PLEKHA7: variants seen among roughly 807,000 people sequenced by gnomAD.
PLEKHA7 encodes pleckstrin homology domain containing A7.
In PLEKHA7, 104 loss-of-function variants were observed where a neutral mutation model predicts 170.0. The ratio of observed to expected loss-of-function variants is 0.61; its 90% CI spans 0.52 to 0.72. The LOEUF (loss-of-function observed/expected upper bound fraction) is 0.72. Among genes scored for constraint, PLEKHA7 ranks in the 30% least tolerant of loss-of-function variants. The probability of loss-of-function intolerance (pLI) is 0.00; values close to 1 mark genes in which losing one functional copy is unlikely to be tolerated. For synonymous variants in PLEKHA7, 648 were observed against 660.8 expected (o/e 0.98, Z 0.30); for missense variants, 1,615 against 1,671.7 (o/e 0.97, Z 0.59).
chr11:16,792,531 T>G (rs1279299685), intron 19 of PLEKHA7, among the ~76,000 whole-genome samples: 1 of 133,058 alleles, frequency 7.5e-6, no homozygotes, highest in Admixed American at 8.0e-5. Context: ...GGTACTAAAA[T>G]TAAAAAAAAA....
In PLEKHA7 at chr11:16,974,449, G is replaced by A. The variant is rs917003532; in HGVS notation, c.221+39540C>T. The stretch of plus-strand genomic sequence containing the variant: ...AATATGGAACGCTTCACAAATTTGC[G>A]TGTCATCCTTGCGCAGGGGCCATGC... On this transcript the variant is annotated intron_variant, in intron 3 of 26. Coordinates refer to ENST00000531066, the MANE Select transcript of PLEKHA7 (RefSeq NM_001329630.2). Among the ~76,000 whole-genome samples the A allele has an allele frequency of 4.6e-5, 7 of 152,170 alleles. No homozygotes were observed. The East Asian group carries it at 5.8e-4, about 13-fold the overall frequency.
In PLEKHA7 at chr11:16,778,504, T is replaced by C; in HGVS notation, c.*494A>G. On this transcript the variant is annotated 3_prime_UTR_variant, in exon 27 of 27. Coordinates refer to ENST00000531066, the MANE Select transcript of PLEKHA7 (RefSeq NM_001329630.2). The stretch of plus-strand genomic sequence containing the variant: ...TCTCTGCAGCCAAGGGCCCCTCTTC[T>C]CCCAGACAGCACGCCAACCAGCCTC... 5.4e-6 allele frequency: 1 copy of C among 183,790 alleles called. No individual in the cohort carries two copies. The highest frequency in any genetic ancestry group is 1.0e-4 in the South Asian group (1 of 9,642). 11.4% of individuals were successfully genotyped at this position (183,790 alleles called of 1,614,324 possible).
intron 3 of PLEKHA7, among the ~76,000 whole-genome samples, chr11:16,990,256 A>G (rs986999666): frequency 7.3e-6 from 1 of 136,952 alleles, no homozygotes; most frequent in African/African-American, 2.8e-5. Context: ...CCTGGGCAAC[A>G]GAGCAAGACC....
chr11:16,854,406 C>A (rs1215400622), intron 6 of PLEKHA7, among the ~76,000 whole-genome samples: 1 of 152,082 alleles, frequency 6.6e-6, no homozygotes, highest in Non-Finnish European at 1.5e-5. Context: ...AAAAAGCAGT[C>A]TTGGGGAAAT....
intron 3 of PLEKHA7, among the ~76,000 whole-genome samples, chr11:16,999,246 A>C (rs1018178337): frequency 6.6e-6 from 1 of 151,928 alleles, no homozygotes; most frequent in African/African-American, 2.4e-5. Context: ...ACACAGAGGA[A>C]GCCTTCCCAC....
intron 3 of PLEKHA7, among the ~76,000 whole-genome samples, chr11:16,951,147 A>G (rs1405855081): frequency 6.6e-6 from 1 of 152,198 alleles, no homozygotes. Context: ...CATATTGCAA[A>G]GACAAAAACA....
In PLEKHA7 at chr11:16,786,346, C is replaced by T; in HGVS notation, c.3399G>A (p.Arg1133=). 2.6e-6 allele frequency: 4 copies of T among 1,536,174 alleles called. No individual in the cohort carries two copies. The South Asian group carries it at 4.8e-5, about 18-fold the overall frequency. Residue 1133 remains arginine, a synonymous_variant, in exon 24 of 27, where the codon CGG becomes CGA. Transcript: ENST00000531066. ...TGTCCTTTTTTTCCCCTTGCACGAC[C>T]CGTTCCAGCAACTGCAGGTCAAAGT... The part of the protein sequence containing the change: ...EQDFDLQLLE[R]VVQGEKKDKE...
intron 23 of PLEKHA7, chr11:16,787,966 C>T (rs749488600): frequency 2.0e-5 from 3 of 152,196 alleles, no homozygotes; most frequent in Non-Finnish European, 4.4e-5. Flanking sequence ...TTATTAAATA[C>T]CAGAAACACA....
intron 3 of PLEKHA7, among the ~76,000 whole-genome samples, chr11:16,994,010 T>C (rs6486334): frequency 0.4 from 60,571 of 152,126 alleles, 12,665 homozygotes; most frequent in East Asian, 0.57. Context: ...CAAGCTTAAG[T>C]ATAAAGTAGA....
At chr11:16,915,442 A>G (rs1482397959) in intron 3 of PLEKHA7, among the ~76,000 whole-genome samples, 2 of 151,930 alleles carry the variant, frequency 1.3e-5, no homozygotes, top group African/African-American at 4.8e-5. Flanking sequence ...TACATGTGCC[A>G]TGCTGGTGCG....
At chr11:17,012,561 T>G (rs1865380999) in intron 3 of PLEKHA7, among the ~76,000 whole-genome samples, 1 of 152,200 alleles carries the variant, frequency 6.6e-6, no homozygotes, top group Non-Finnish European at 1.5e-5. Context: ...TATTTTAACT[T>G]TCTGCACAGT....
intron 9 of PLEKHA7, among the ~76,000 whole-genome samples, chr11:16,828,531 A>G (rs1374745498): frequency 6.6e-6 from 1 of 152,216 alleles, no homozygotes; most frequent in Non-Finnish European, 1.5e-5. Context: ...GAGAAAAGCA[A>G]GCATTCTTCT....
chr11:16,977,217 C>T (rs1358806923), intron 3 of PLEKHA7, among the ~76,000 whole-genome samples: 8 of 152,188 alleles, frequency 5.3e-5, no homozygotes, highest in South Asian at 2.1e-4. Context: ...CAAAAGCTTA[C>T]GACAGCTCCT....
intron 25 of PLEKHA7, 43 bp from the exon 26 acceptor site, chr11:16,782,939 G>T: frequency 6.6e-7 from 1 of 1,525,862 alleles, no homozygotes; most frequent in Non-Finnish European, 8.8e-7. Context: ...TCCTGCCCTG[G>T]GTAGCAGCCT....
chr11:16,779,306 A>C (rs1351240962), intron 26 of PLEKHA7, among the ~76,000 whole-genome samples: 2 of 152,142 alleles, frequency 1.3e-5, no homozygotes, highest in Non-Finnish European at 2.9e-5. Flanking sequence ...CCTGCCCTTC[A>C]TTCTTTCAAT....
intron 3 of PLEKHA7, among the ~76,000 whole-genome samples, chr11:17,006,243 C>A (rs1300609342): frequency 6.6e-6 from 1 of 151,600 alleles, no homozygotes; most frequent in East Asian, 1.9e-4. Context: ...GCCTGTAACA[C>A]CAGCTACAAG....
intron 3 of PLEKHA7, among the ~76,000 whole-genome samples, chr11:16,982,833 GGA>G (rs113873924): frequency 3.4e-5 from 5 of 148,918 alleles, no homozygotes; most frequent in South Asian, 4.3e-4. Context: ...AGAGAGAGAG[GGA>G]GAGAGAGAGA....
intron 10 of PLEKHA7, among the ~76,000 whole-genome samples, chr11:16,819,083 G>A (rs903981111): frequency 1.3e-5 from 2 of 150,222 alleles, no homozygotes; most frequent in Non-Finnish European, 3.0e-5. Flanking sequence ...GATTACAGGA[G>A]TGAGCCACCA....
intron 8 of PLEKHA7, among the ~76,000 whole-genome samples, chr11:16,846,890 C>T (rs1032011811): frequency 1.3e-5 from 2 of 151,902 alleles, no homozygotes; most frequent in Non-Finnish European, 2.9e-5. Flanking sequence ...ATCAGTTTTC[C>T]CGGTGAAAGG....
Sources: allele counts gnomAD v4.1 joint callset (sites outside exome capture counted in the v4.1 genomes callset), GRCh38; gene constraint gnomAD v4.1.1; transcripts MANE v1.5; gene names NCBI Gene and HGNC (gene_info 2026-07-23, HGNC 2026-07-21).